PTPRD: variants seen among roughly 807,000 people sequenced by gnomAD.
PTPRD encodes the protein receptor-type tyrosine-protein phosphatase delta.
PTPRD carries 34 observed loss-of-function variants against 214.5 expected under a neutral mutation model. The observed-to-expected ratio is 0.16, with a 90% CI of 0.12 to 0.21. The LOEUF is 0.21. Among genes scored for constraint, PTPRD ranks in the 10% least tolerant of loss-of-function variants. The probability of loss-of-function intolerance (pLI) is 1.00; values close to 1 mark genes in which losing one functional copy is unlikely to be tolerated. For synonymous variants in PTPRD, 1,128 were observed against 845.7 expected (o/e 1.33, Z -5.79); for missense variants, 2,545 against 2,398.7 (o/e 1.06, Z -1.27).
intron 9 of PTPRD, among the ~76,000 whole-genome samples, chr9:9,294,117 T>C (rs563730172): frequency 1.3e-5 from 2 of 151,748 alleles, no homozygotes; most frequent in South Asian, 4.1e-4. Flanking sequence ...ATTTGCCTTA[T>C]ATATGGAGGA....
intron 4 of PTPRD, among the ~76,000 whole-genome samples, chr9:9,939,605 C>A (rs1016174352): frequency 6.6e-6 from 1 of 152,100 alleles, no homozygotes; most frequent in Non-Finnish European, 1.5e-5. Flanking sequence ...TCTTGTTGTA[C>A]CTACTTGGTA....
intron 12 of PTPRD, among the ~76,000 whole-genome samples, chr9:8,656,379 T>C (rs1340205107): frequency 6.6e-6 from 1 of 152,222 alleles, no homozygotes; most frequent in African/African-American, 2.4e-5. Flanking sequence ...AAATGCCTTC[T>C]CCTGGGTGAA....
chr9:9,235,048 A>ATC (rs1314151055), intron 9 of PTPRD, among the ~76,000 whole-genome samples: 3 of 152,190 alleles, frequency 2.0e-5, no homozygotes, highest in Admixed American at 2.0e-4. Context: ...TTTATAAAGA[A>ATC]AAGAGGTTTA....
At chr9:8,402,760 A>T (rs960367061) in intron 36 of PTPRD, among the ~76,000 whole-genome samples, 2 of 152,100 alleles carry the variant, frequency 1.3e-5, no homozygotes, top group African/African-American at 4.8e-5. Context: ...AATCATCCAC[A>T]TATGTTAATT....
At chr9:8,560,760 A>G (rs1424775742) in intron 14 of PTPRD, among the ~76,000 whole-genome samples, 2 of 152,196 alleles carry the variant, frequency 1.3e-5, no homozygotes, top group East Asian at 1.9e-4. Flanking sequence ...CTGTATAAGG[A>G]GCATAAAATG....
At chr9:9,809,164 T>G (rs1170289359) in intron 5 of PTPRD, among the ~76,000 whole-genome samples, 4 of 152,136 alleles carry the variant, frequency 2.6e-5, no homozygotes, top group African/African-American at 9.6e-5. Flanking sequence ...TCAATGTGCA[T>G]GTTAATAGGT....
chr9:9,110,413 C>A (rs2099804426), intron 10 of PTPRD, among the ~76,000 whole-genome samples: 1 of 152,092 alleles, frequency 6.6e-6, no homozygotes, highest in Non-Finnish European at 1.5e-5. Flanking sequence ...TCAACAAGTC[C>A]TCTTGGTGAC....
intron 10 of PTPRD, among the ~76,000 whole-genome samples, chr9:9,105,456 T>C (rs2099797173): frequency 6.6e-6 from 1 of 152,248 alleles, no homozygotes; most frequent in Non-Finnish European, 1.5e-5. Context: ...TTGGAACTAA[T>C]GCACAAAGGA....
intron 10 of PTPRD, among the ~76,000 whole-genome samples, chr9:9,088,581 G>GAAAAAAAAAAAAAAAAAAAA (rs533619970): frequency 1.5e-4 from 5 of 33,036 alleles, no homozygotes; most frequent in African/African-American, 3.8e-4. Context: ...CTTAGTCTCA[G>GAAAAAAAAAAAAAAAAAAAA]AAAAAAAAAA....
At chr9:9,314,513 T>TG (rs1488745807) in intron 9 of PTPRD, among the ~76,000 whole-genome samples, 1 of 152,148 alleles carries the variant, frequency 6.6e-6, no homozygotes, top group Non-Finnish European at 1.5e-5. Context: ...GCACATGGCC[T>TG]GGCTTGACAA....
At chr9:8,700,603 G>C (rs529367214) in intron 12 of PTPRD, 12 of 152,278 alleles carry the variant, frequency 7.9e-5, no homozygotes, top group Non-Finnish European at 1.8e-4. Flanking sequence ...TGTAAAAACA[G>C]GCAATTGAAT....
At chr9:9,770,971 A>G (rs1377049752) in intron 5 of PTPRD, among the ~76,000 whole-genome samples, 3 of 152,162 alleles carry the variant, frequency 2.0e-5, no homozygotes. Flanking sequence ...CATTAGAACT[A>G]CAAATCTTTC....
At chr9:8,680,559 A>T (rs2097531354) in intron 12 of PTPRD, among the ~76,000 whole-genome samples, 2 of 152,198 alleles carry the variant, frequency 1.3e-5, no homozygotes, top group Non-Finnish European at 2.9e-5. Flanking sequence ...ACCTATCTCT[A>T]CATTGAGTAT....
chr9:9,252,683 G>A (rs184288583), intron 9 of PTPRD, among the ~76,000 whole-genome samples: 83 of 152,034 alleles, frequency 5.5e-4, no homozygotes, highest in Admixed American at 2.6e-3. Flanking sequence ...GTCTTTCTAT[G>A]TTACCCAGGC....
At chr9:9,798,155 A>G (rs555364390) in intron 5 of PTPRD, among the ~76,000 whole-genome samples, 18 of 152,112 alleles carry the variant, frequency 1.2e-4, no homozygotes, top group African/African-American at 4.1e-4. Flanking sequence ...ATTTTAATAA[A>G]TTAATAAATA....
intron 9 of PTPRD, among the ~76,000 whole-genome samples, chr9:9,326,543 C>T (rs4342660): frequency 0.74 from 112,413 of 151,692 alleles, 41,884 homozygotes; most frequent in East Asian, 0.92. Context: ...AACAAATATT[C>T]GAACCCTTGA....
chr9:8,394,948 T>G (rs2090695398), intron 36 of PTPRD, among the ~76,000 whole-genome samples: 1 of 152,088 alleles, frequency 6.6e-6, no homozygotes, highest in African/African-American at 2.4e-5. Flanking sequence ...CGGGTGATAA[T>G]AACTAAGAGG....
At chr9:9,223,740 C>A (rs1198160840) in intron 9 of PTPRD, among the ~76,000 whole-genome samples, 3 of 151,874 alleles carry the variant, frequency 2.0e-5, no homozygotes, top group African/African-American at 4.8e-5. Context: ...ATTGACAATG[C>A]AAATCAAATG....
Position 9,726,729 on chromosome 9 carries a change from A to C in PTPRD, c.-287+7804T>G, listed in dbSNP as rs371373437. On this transcript the variant is annotated intron_variant, in intron 7 of 45. Transcript: ENST00000381196. ...GTTTGTGGATAACTTTTCAAGGCTT[A>C]CATCTTTCTTTGACATTAGAGTTTG... Among the ~76,000 whole-genome samples the C allele has an allele frequency of 1.7e-3, 253 of 152,306 alleles. 1 individual carries two copies. Among genetic ancestry groups the C allele is most frequent in the African/African-American group, 5.7e-3 (236 of 41,572 alleles).
Sources: allele counts gnomAD v4.1 joint callset (sites outside exome capture counted in the v4.1 genomes callset), GRCh38; gene constraint gnomAD v4.1.1; transcripts MANE v1.5; gene names NCBI Gene and HGNC (gene_info 2026-07-23, HGNC 2026-07-21).